SLC67A1: variants seen among roughly 807,000 people sequenced by gnomAD.
SLC67A1 encodes solute carrier family 67 member 1.
the SLC67A1 span, chr11:2,908,456 G>A: frequency 7.5e-6 from 5 of 666,458 alleles, no homozygotes; most frequent in African/African-American, 5.6e-5. Flanking sequence ...CGGCACTCCT[G>A]TGTCACAGGC....
At chr11:2,902,811 C>A in the SLC67A1 span, 1 of 904,586 alleles carries the variant, frequency 1.1e-6, no homozygotes, top group Non-Finnish European at 1.3e-6. Flanking sequence ...TGGCTGCTGG[C>A]CACAGGGGAA....
the SLC67A1 span, among the ~76,000 whole-genome samples, chr11:2,910,750 G>A: frequency 2.0e-5 from 3 of 152,184 alleles, no homozygotes; most frequent in African/African-American, 7.2e-5. Flanking sequence ...GGATGTGGGT[G>A]GGAACTCAAG....
the SLC67A1 span, chr11:2,909,499 GCTTGTGGAGGGGCGGGTCA>G: frequency 7.0e-7 from 1 of 1,423,388 alleles, no homozygotes; most frequent in Non-Finnish European, 9.2e-7. Flanking sequence ...GTGGGGCGTG[GCTTGTGGAGGGGCGGGTCA>G]GGGGGGGAAG....
chr11:2,902,831 T>TC, the SLC67A1 span: 3 of 774,844 alleles, frequency 3.9e-6, no homozygotes, highest in African/African-American at 1.9e-5. Context: ...AGGTAGACCT[T>TC]CCCTGAGAGC....
chr11:2,912,189 G>C, the SLC67A1 span, among the ~76,000 whole-genome samples: 1 of 152,232 alleles, frequency 6.6e-6, no homozygotes, highest in Non-Finnish European at 1.5e-5. Flanking sequence ...CCAGAGTGGT[G>C]GTGGCACAGG....
At chr11:2,906,388 T>C in the SLC67A1 span, among the ~76,000 whole-genome samples, 3 of 152,224 alleles carry the variant, frequency 2.0e-5, no homozygotes, top group African/African-American at 7.2e-5. Context: ...CAAAGGATTA[T>C]AAATCATGCT....
the SLC67A1 span, chr11:2,922,599 C>A: frequency 1.3e-6 from 2 of 1,488,612 alleles, no homozygotes; most frequent in Non-Finnish European, 9.0e-7. Flanking sequence ...CCAGGAAGCC[C>A]TAGGAGCTAC....
At chr11:2,914,326 G>A in the SLC67A1 span, among the ~76,000 whole-genome samples, 1 of 152,218 alleles carries the variant, frequency 6.6e-6, no homozygotes, top group South Asian at 2.1e-4. Context: ...GGGGGGCTGA[G>A]CAGGAGGGGC....
the SLC67A1 span, chr11:2,903,524 C>T: frequency 6.2e-7 from 1 of 1,609,004 alleles, no homozygotes; most frequent in South Asian, 1.1e-5. Flanking sequence ...CAGCCCCAGC[C>T]AGGGCTGAAC....
the SLC67A1 span, among the ~76,000 whole-genome samples, chr11:2,907,577 C>T: frequency 6.6e-6 from 1 of 152,198 alleles, no homozygotes; most frequent in African/African-American, 2.4e-5. The surrounding 1 kb of genome is among the most constrained non-coding windows in gnomAD (Gnocchi z 6.7). Flanking sequence ...AAGAATGTCA[C>T]ATTCTGAGGT....
chr11:2,922,870 C>T, the SLC67A1 span, among the ~76,000 whole-genome samples: 3 of 152,186 alleles, frequency 2.0e-5, no homozygotes, highest in South Asian at 2.1e-4. Flanking sequence ...CTTTGCCTGC[C>T]AGGCCTGGAG....
the SLC67A1 span, chr11:2,919,786 C>A: frequency 1.4e-3 from 300 of 215,592 alleles, 3 homozygotes; most frequent in East Asian, 0.033. Flanking sequence ...GTTAGACCAG[C>A]GTGGGCCCCT....
At chr11:2,904,943 A>G in the SLC67A1 span, among the ~76,000 whole-genome samples, 3 of 152,042 alleles carry the variant, frequency 2.0e-5, no homozygotes, top group African/African-American at 7.2e-5. Flanking sequence ...AGGAGGTGAG[A>G]GGTGGCTGGA....
the SLC67A1 span, among the ~76,000 whole-genome samples, chr11:2,905,627 C>T: frequency 0.011 from 1,599 of 152,206 alleles, 35 homozygotes; most frequent in African/African-American, 0.036. Flanking sequence ...AACAGTGCCG[C>T]GATAAAAATA....
the SLC67A1 span, chr11:2,914,649 C>T: frequency 1.0e-6 from 1 of 961,072 alleles, no homozygotes; most frequent in Non-Finnish European, 1.2e-6. Flanking sequence ...GGTTTACCCA[C>T]CACCGCTCGA....
At chr11:2,920,847 G>A in the SLC67A1 span, 1 of 152,196 alleles carries the variant, frequency 6.6e-6, no homozygotes, top group Non-Finnish European at 1.5e-5. Flanking sequence ...CTGAGTCCTG[G>A]ATCTGAAGTC....
the SLC67A1 span, among the ~76,000 whole-genome samples, chr11:2,913,372 G>C: frequency 6.6e-6 from 1 of 152,172 alleles, no homozygotes; most frequent in Admixed American, 6.5e-5. Flanking sequence ...GCCTCCTGCT[G>C]GGCCCGTGAG....
chr11:2,917,714 C>T, the SLC67A1 span, among the ~76,000 whole-genome samples: 1 of 152,354 alleles, frequency 6.6e-6, no homozygotes, highest in South Asian at 2.1e-4. Context: ...TGAGGCCAGT[C>T]TACCTGCGTG....
the SLC67A1 span, among the ~76,000 whole-genome samples, chr11:2,904,905 A>G: frequency 0.2 from 30,408 of 152,124 alleles, 3,478 homozygotes; most frequent in African/African-American, 0.27. Context: ...CTGCTGCTCA[A>G]AGAACTCCGG....
Sources: allele counts gnomAD v4.1 joint callset (sites outside exome capture counted in the v4.1 genomes callset), GRCh38; gene constraint gnomAD v4.1.1; non-coding constraint Gnocchi (gnomAD v3.1); transcripts MANE v1.5; gene names NCBI Gene and HGNC (gene_info 2026-07-23, HGNC 2026-07-21).